SH3GL2: variants seen among roughly 807,000 people sequenced by gnomAD.
SH3GL2 encodes SH3 domain containing GRB2 like 2, endophilin A1.
Under a neutral mutation model 46.0 loss-of-function variants are expected in SH3GL2, and 24 were observed. The observed-to-expected ratio is 0.52, with a 90% confidence interval of 0.38 to 0.73. The LOEUF (loss-of-function observed/expected upper bound fraction) is 0.73. Among genes scored for constraint, SH3GL2 ranks in the 30% least tolerant of loss-of-function variants. The probability of loss-of-function intolerance (pLI) is 0.00; values close to 1 mark genes in which losing one functional copy is unlikely to be tolerated. For missense variants in SH3GL2, 413 were observed against 424.2 expected (o/e 0.97, Z 0.23); for synonymous variants, 196 against 147.1 (o/e 1.33, Z -2.40).
At chr9:17,712,523 A>C (rs993747112) in intron 1 of SH3GL2, among the ~76,000 whole-genome samples, 1 of 151,960 alleles carries the variant, frequency 6.6e-6, no homozygotes, top group Non-Finnish European at 1.5e-5. Flanking sequence ...TTGTTTCTGC[A>C]TATGAACATC....
At chr9:17,713,294 C>T (rs1217791988) in intron 1 of SH3GL2, among the ~76,000 whole-genome samples, 13 of 151,378 alleles carry the variant, frequency 8.6e-5, no homozygotes, top group Non-Finnish European at 1.3e-4. Context: ...GTATTCTTTT[C>T]CTGTGATAAG....
At chr9:17,733,137 C>G (rs762868435) in intron 1 of SH3GL2, among the ~76,000 whole-genome samples, 11 of 152,114 alleles carry the variant, frequency 7.2e-5, no homozygotes, top group Non-Finnish European at 1.5e-4. Flanking sequence ...GTCAGACCTC[C>G]TCTTTCCTAC....
intron 3 of SH3GL2, among the ~76,000 whole-genome samples, chr9:17,778,848 G>A (rs1412125215): frequency 6.6e-6 from 1 of 152,152 alleles, no homozygotes; most frequent in Non-Finnish European, 1.5e-5. Flanking sequence ...TCTAGTGCCT[G>A]AGCAAGTGGA....
At chr9:17,666,042 A>G (rs1439574995) in intron 1 of SH3GL2, among the ~76,000 whole-genome samples, 1 of 151,348 alleles carries the variant, frequency 6.6e-6, no homozygotes, top group Admixed American at 6.6e-5. Context: ...ATACCTACTT[A>G]TTTGCTCACT....
At chr9:17,643,568 G>A (rs1819736314) in intron 1 of SH3GL2, among the ~76,000 whole-genome samples, 1 of 151,578 alleles carries the variant, frequency 6.6e-6, no homozygotes, top group Non-Finnish European at 1.5e-5. Flanking sequence ...ACCTTATGGA[G>A]TGTTTTAGTC....
At chr9:17,764,420 G>T (rs914053062) in intron 3 of SH3GL2, among the ~76,000 whole-genome samples, 11 of 152,212 alleles carry the variant, frequency 7.2e-5, no homozygotes, top group African/African-American at 1.9e-4. Flanking sequence ...CTTGGGCACA[G>T]GAGAGCACAA....
intron 1 of SH3GL2, among the ~76,000 whole-genome samples, chr9:17,726,076 T>C (rs1301584816): frequency 1.3e-5 from 2 of 152,192 alleles, no homozygotes; most frequent in Non-Finnish European, 2.9e-5. Flanking sequence ...CTTCACTTGC[T>C]GTATGCCCTT....
chr9:17,716,614 C>T (rs1465176527), intron 1 of SH3GL2, among the ~76,000 whole-genome samples: 1 of 152,098 alleles, frequency 6.6e-6, no homozygotes, highest in Non-Finnish European at 1.5e-5. Context: ...GGTTAGTTTC[C>T]TCACATGCAT....
At chr9:17,780,396 C>T (rs547825522) in intron 3 of SH3GL2, among the ~76,000 whole-genome samples, 1 of 152,078 alleles carries the variant, frequency 6.6e-6, no homozygotes, top group East Asian at 1.9e-4. Flanking sequence ...GAACATAGCA[C>T]AGTTTACTTG....
intron 1 of SH3GL2, among the ~76,000 whole-genome samples, chr9:17,597,139 A>G (rs1354910087): frequency 6.6e-6 from 1 of 152,222 alleles, no homozygotes; most frequent in African/African-American, 2.4e-5. Flanking sequence ...TTGTGTAGTA[A>G]TCTGCTGAAG....
chr9:17,617,602 G>A (rs1186075652), intron 1 of SH3GL2, among the ~76,000 whole-genome samples: 1 of 152,174 alleles, frequency 6.6e-6, no homozygotes, highest in African/African-American at 2.4e-5. Context: ...ATTTGAAGAT[G>A]CCTGTTAACA....
intron 1 of SH3GL2, among the ~76,000 whole-genome samples, chr9:17,598,249 G>A (rs1281419788): frequency 6.6e-6 from 1 of 152,156 alleles, no homozygotes; most frequent in African/African-American, 2.4e-5. Flanking sequence ...GCAGGTTATG[G>A]TTTCACAGAC....
At position 17,761,513 on chromosome 9, in the gene SH3GL2, A is replaced by G. The variant is rs1027029121; in HGVS notation, c.187+4A>G. The G allele has an allele frequency of 6.5e-7, 1 of 1,541,128 alleles. No homozygotes were observed. The highest frequency in any genetic ancestry group is 9.0e-7 in the Non-Finnish European group (1 of 1,113,358). On this transcript the variant is annotated splice_donor_region_variant and intron_variant, in intron 3 of 8. Coordinates refer to ENST00000380607, the MANE Select transcript of SH3GL2 (RefSeq NM_003026.5). Reference sequence around the variant, plus strand: ...GAATACCTTCAACCCAATCCAGGTAAGGCATCATCTTATATGTTTAAAGGA... The same window carrying G: ...GAATACCTTCAACCCAATCCAGGTAGGGCATCATCTTATATGTTTAAAGGA...
At chr9:17,764,593 A>G (rs1447015458) in intron 3 of SH3GL2, among the ~76,000 whole-genome samples, 1 of 152,212 alleles carries the variant, frequency 6.6e-6, no homozygotes, top group Admixed American at 6.5e-5. Flanking sequence ...ACACATTTAC[A>G]TGGACAGGCC....
chr9:17,628,003 C>T (rs1335786295), intron 1 of SH3GL2, among the ~76,000 whole-genome samples: 1 of 152,148 alleles, frequency 6.6e-6, no homozygotes, highest in Non-Finnish European at 1.5e-5. Context: ...GATGAGTTCA[C>T]AGAGATTTAA....
chr9:17,777,293 A>G (rs959704548), intron 3 of SH3GL2, among the ~76,000 whole-genome samples: 1 of 152,186 alleles, frequency 6.6e-6, no homozygotes, highest in Non-Finnish European at 1.5e-5. Flanking sequence ...GAATATTTAT[A>G]AAGATAAAAG....
chr9:17,777,657 G>A (rs771399584), intron 3 of SH3GL2, among the ~76,000 whole-genome samples: 50 of 151,976 alleles, frequency 3.3e-4, no homozygotes, highest in Non-Finnish European at 6.0e-4. Flanking sequence ...TTCTCACTAT[G>A]TCCTCATGTA....
intron 1 of SH3GL2, chr9:17,590,248 C>T (rs1818455339): frequency 6.6e-6 from 1 of 152,212 alleles, no homozygotes; most frequent in Admixed American, 6.6e-5. Flanking sequence ...GTGGCTGCAT[C>T]TGGGCAAGAA....
At chr9:17,628,674 A>G (rs1445289174) in intron 1 of SH3GL2, among the ~76,000 whole-genome samples, 2 of 151,652 alleles carry the variant, frequency 1.3e-5, no homozygotes, top group Admixed American at 6.6e-5. Flanking sequence ...CATTTTTTTT[A>G]AATGGGTAGC....
Sources: gnomAD v4.1 joint callset for allele counts (sites outside exome capture counted in the v4.1 genomes callset) on GRCh38, gnomAD v4.1.1 for gene constraint, MANE v1.5 for transcripts, NCBI Gene and HGNC (gene_info 2026-07-23, HGNC 2026-07-21) for gene names.